Variants in PSG9 observed in about 807,000 individuals in gnomAD.
PSG9 encodes pregnancy specific beta-1-glycoprotein 9.
Under a neutral mutation model 41.9 loss-of-function variants are expected in PSG9, and 49 were observed. The observed-to-expected ratio is 1.17, with a 90% CI of 0.93 to 1.48. The LOEUF (loss-of-function observed/expected upper bound fraction) is 1.48. Ranked by LOEUF, PSG9 falls within the 40% of genes most tolerant of loss-of-function variation. The pLI is 0.00. For synonymous variants in PSG9, 263 were observed against 196.8 expected, an observed-to-expected ratio of 1.34 and a Z score of -2.82; for missense variants, 641 against 520.3, an observed-to-expected ratio of 1.23 and a Z score of -2.26.
Position 43,257,509 on chromosome 19 carries a change from C to A in PSG9, c.1243+693G>T, listed in dbSNP as rs3179817. 7 of 977,860 alleles carry A rather than the reference C, an allele frequency of 7.2e-6. 1 individual carries two copies. In the Admixed American group the frequency reaches 3.7e-4, roughly 52 times the overall value. 60.6% of individuals were successfully genotyped at this position (977,860 alleles called of 1,614,324 possible). ...GTGCTGTGCCCAAAGCCTCATACAG[C>A]TGGTGACTTCAGAGCCAGGACGCAG... On this transcript the variant is annotated intron_variant, in intron 5 of 5. Coordinates refer to ENST00000270077, the MANE Select transcript of PSG9 (RefSeq NM_002784.5).
At chr19:43,261,457 C>A (rs1275882624) in intron 3 of PSG9, among the ~76,000 whole-genome samples, 1 of 152,012 alleles carries the variant, frequency 6.6e-6, no homozygotes, top group East Asian at 1.9e-4. Context: ...TGCATCCAGG[C>A]CATGTGGAGC....
intron 1 of PSG9, 152 bp downstream of exon 1, chr19:43,269,216 G>A (rs1969131510): frequency 1.5e-6 from 2 of 1,352,478 alleles, no homozygotes; most frequent in African/African-American, 1.5e-5. Flanking sequence ...GCATTGGCCG[G>A]ACTGATCTTG....
chr19:43,268,620 A>T (rs1238657660), intron 1 of PSG9, among the ~76,000 whole-genome samples: 1 of 152,012 alleles, frequency 6.6e-6, no homozygotes, highest in Non-Finnish European at 1.5e-5. Context: ...CTTCCTCCCC[A>T]TGACAGCGTG....
intron 2 of PSG9, among the ~76,000 whole-genome samples, chr19:43,267,337 GC>G (rs1309011032): frequency 1.3e-5 from 2 of 152,110 alleles, no homozygotes; most frequent in Non-Finnish European, 2.9e-5. Context: ...CCACAACCCA[GC>G]ACTGGCACAG....
chr19:43,267,834 C>A lies in PSG9; in HGVS notation c.380G>T (p.Arg127Leu). Reference protein sequence around the residue: ...AGTYTLHIIKRGDETREEIRH... With the variant: ...AGTYTLHIIKLGDETREEIRH... ...AATTTCTTCTCTAGTCTCATCACCT[C>A]GCTTTATGATGTGTAAGGTGTAGGT... Residue 127 changes from arginine to leucine, a missense_variant, in exon 2 of 6, where the codon CGA (arginine) becomes CTA (leucine). Transcript: ENST00000270077. 2 of 1,613,510 alleles carry A rather than the reference C, an allele frequency of 1.2e-6. No homozygotes were observed. Among genetic ancestry groups the A allele is most frequent in the Non-Finnish European group, 1.7e-6 (2 of 1,179,620 alleles).
At chr19:43,259,852 A>G (rs1221762642) in intron 3 of PSG9, 1 of 147,590 alleles carries the variant, frequency 6.8e-6, no homozygotes, top group Non-Finnish European at 1.5e-5. Context: ...TTTGGAGCAG[A>G]ACCATGTTCT....
At chr19:43,264,374 A>G (rs1028861895) in intron 2 of PSG9, among the ~76,000 whole-genome samples, 6 of 152,098 alleles carry the variant, frequency 3.9e-5, no homozygotes, top group African/African-American at 7.2e-5. Flanking sequence ...GGAAGTTTCT[A>G]TTGACACATC....
chr19:43,260,641 T>C (rs779490942), intron 3 of PSG9: 1 of 147,586 alleles, frequency 6.8e-6, no homozygotes, highest in South Asian at 2.1e-4. Flanking sequence ...CTTTCCACCT[T>C]TTCTGGTTGC....
chr19:43,257,899 T>C (rs1599818271), intron 5 of PSG9: 2 of 1,396,578 alleles, frequency 1.4e-6, no homozygotes, highest in Non-Finnish European at 1.9e-6. Flanking sequence ...GAGAAGCAAC[T>C]TGATCTTGAG....
chr19:43,264,871 T>C (rs1041602408), intron 2 of PSG9, among the ~76,000 whole-genome samples: 7 of 152,142 alleles, frequency 4.6e-5, no homozygotes, highest in African/African-American at 1.4e-4. Context: ...CAGAAGTCTC[T>C]AGGAAGTGAC....
chr19:43,264,923 A>G (rs539194401), intron 2 of PSG9, among the ~76,000 whole-genome samples: 8 of 152,152 alleles, frequency 5.3e-5, no homozygotes, highest in Non-Finnish European at 1.0e-4. Context: ...ATGGAGTCAC[A>G]AATGAAATGG....
Position 43,267,841 on chromosome 19 carries a change from T to C in PSG9, c.373A>G (p.Ile125Val), listed in dbSNP as rs1282198339. 1.9e-6 allele frequency: 3 copies of C among 1,613,592 alleles called. No homozygotes were observed. In the African/African-American group the frequency reaches 4.0e-5, roughly 22 times the overall value. Residue 125 changes from isoleucine to valine, a missense_variant, in exon 2 of 6, where the codon ATA becomes GTA. By Grantham distance (29) the Ile-to-Val change is conservative. Coordinates refer to ENST00000270077, the MANE Select transcript of PSG9 (RefSeq NM_002784.5). ...TCTCTAGTCTCATCACCTCGCTTTATGATGTGTAAGGTGTAGGTTCCTGCA... is the reference window on the plus strand; with the variant it reads ...TCTCTAGTCTCATCACCTCGCTTTACGATGTGTAAGGTGTAGGTTCCTGCA... ...KDAGTYTLHI[I>V]KRGDETREEI...
At chr19:43,259,205 A>G in intron 3 of PSG9, 70 bp from the exon 4 acceptor site, 1 of 1,550,128 alleles carries the variant, frequency 6.5e-7, no homozygotes, top group Non-Finnish European at 8.7e-7. Context: ...TACTTCAATC[A>G]GAGTTGGCAT....
In PSG9 at chr19:43,266,413, C is replaced by T. The variant is rs555757810; in HGVS notation, c.430+1371G>A. On this transcript the variant is annotated intron_variant, in intron 2 of 5. Coordinates refer to ENST00000270077, the MANE Select transcript of PSG9 (RefSeq NM_002784.5). ...CATTTCTTCATTCAAGTTCTTCATT[C>T]ATTATGTGAGAGCTCCTGAGTGTGT... 1.6e-4 allele frequency among the ~76,000 whole-genome samples: 24 copies of T among 150,936 alleles called. 1 individual carries two copies. Among genetic ancestry groups the T allele is most frequent in the South Asian group, 6.3e-4 (3 of 4,794 alleles).
chr19:43,258,324 T>A lies in PSG9; in HGVS notation c.1121A>T (p.Gln374Leu), dbSNP rs2074923. 72 of 1,592,938 alleles carry A rather than the reference T, an allele frequency of 4.5e-5. 7 individuals are homozygous for A. The African/African-American group carries it at 6.3e-4, about 14-fold the overall frequency. ...GGGGATAAAGAGCTTTTGTCCTGAT[T>A]GCTGAAACTTCCCATTAATTGTCCA... ...YFWTINGKFQ[Q>L]SGQKLFIPQI... The change falls in exon 5 of 6, where the codon CAA becomes CTA. Residue 374 changes from glutamine to leucine, a missense_variant. By Grantham distance (113) the Gln-to-Leu change is moderately radical. Transcript: ENST00000270077.
At chr19:43,259,229 G>A in intron 3 of PSG9, 94 bp from the exon 4 acceptor site, 1 of 1,512,212 alleles carries the variant, frequency 6.6e-7, no homozygotes. Flanking sequence ...CCACCTCTCA[G>A]CCCACCCGAG....
intron 3 of PSG9, chr19:43,259,976 G>C (rs1442300233): frequency 6.8e-6 from 1 of 147,170 alleles, no homozygotes; most frequent in Non-Finnish European, 1.5e-5. Context: ...CTGGTGGAAA[G>C]TGTGGGAATG....
At chr19:43,266,707 G>C (rs925953001) in intron 2 of PSG9, among the ~76,000 whole-genome samples, 3 of 152,116 alleles carry the variant, frequency 2.0e-5, no homozygotes, top group African/African-American at 7.2e-5. Flanking sequence ...TAAGAAGAGA[G>C]GATTTGAGCC....
intron 4 of PSG9, 122 bp downstream of exon 4, chr19:43,258,735 A>T: frequency 6.8e-7 from 1 of 1,465,516 alleles, no homozygotes; most frequent in East Asian, 2.8e-5. Flanking sequence ...AGTCATGGCC[A>T]CCTCGGATGT....
Sources: allele counts gnomAD v4.1 joint callset (sites outside exome capture counted in the v4.1 genomes callset), GRCh38; gene constraint gnomAD v4.1.1; transcripts MANE v1.5; gene names NCBI Gene and HGNC (gene_info 2026-07-23, HGNC 2026-07-21).